TXNDC11: variants seen among roughly 807,000 people sequenced by gnomAD.
TXNDC11 encodes thioredoxin domain containing 11.
TXNDC11 carries 68 observed loss-of-function variants against 78.0 expected under a neutral mutation model. That is an observed-to-expected ratio of 0.87 (90% CI 0.72 to 1.07). The LOEUF is 1.07. Among genes scored for constraint, TXNDC11 ranks in the 50% least tolerant of loss-of-function variants. The pLI is 0.00. For synonymous variants in TXNDC11, 571 were observed against 495.2 expected (o/e 1.15, Z -2.03); for missense variants, 1,389 against 1,221.8 (o/e 1.14, Z -2.04).
chr16:11,682,195 C>T (rs2050440814), intron 11 of TXNDC11, among the ~76,000 whole-genome samples: 2 of 152,228 alleles, frequency 1.3e-5, no homozygotes, highest in Non-Finnish European at 2.9e-5. Context: ...GCTGCTTGCC[C>T]ATTTACCTTC....
intron 7 of TXNDC11, among the ~76,000 whole-genome samples, chr16:11,697,755 T>C (rs549725347): frequency 6.6e-6 from 1 of 152,108 alleles, no homozygotes; most frequent in Non-Finnish European, 1.5e-5. Context: ...TAGGCCACAC[T>C]AAACTCGGCC....
At chr16:11,694,417 G>A (rs898780334) in intron 7 of TXNDC11, among the ~76,000 whole-genome samples, 21 of 151,442 alleles carry the variant, frequency 1.4e-4, no homozygotes, top group African/African-American at 4.4e-4. Context: ...TAATCCCACT[G>A]GGATTGTAAG....
chr16:11,701,007 G>A (rs1394399745), intron 5 of TXNDC11, among the ~76,000 whole-genome samples: 1 of 151,944 alleles, frequency 6.6e-6, no homozygotes, highest in Non-Finnish European at 1.5e-5. Context: ...GTTTACAAAG[G>A]GAAACTGGGC....
intron 5 of TXNDC11, among the ~76,000 whole-genome samples, chr16:11,706,547 A>C (rs769211075): frequency 6.6e-6 from 1 of 152,162 alleles, no homozygotes; most frequent in Non-Finnish European, 1.5e-5. Context: ...TGACTCATGA[A>C]ATCTTGCCTA....
At chr16:11,683,640 G>A (rs546858936) in intron 11 of TXNDC11, among the ~76,000 whole-genome samples, 2 of 152,176 alleles carry the variant, frequency 1.3e-5, no homozygotes, top group East Asian at 1.9e-4. Flanking sequence ...GAATTCTCAC[G>A]GCCACATTCA....
At chr16:11,726,579 C>CAAAAAAAAAAAAAAAAAAAAAAAAA (rs35512803) in intron 4 of TXNDC11, among the ~76,000 whole-genome samples, 1 of 83,000 alleles carries the variant, frequency 1.2e-5, no homozygotes, top group Non-Finnish European at 2.3e-5. Context: ...GACTCCACCT[C>CAAAAAAAAAAAAAAAAAAAAAAAAA]AAAAAAAAAA....
At chr16:11,689,806 C>T (rs1001010423) in intron 8 of TXNDC11, among the ~76,000 whole-genome samples, 9 of 152,040 alleles carry the variant, frequency 5.9e-5, no homozygotes, top group African/African-American at 2.2e-4. Context: ...AAAAAAAATG[C>T]TTGTTTCATT....
chr16:11,710,866 CCT>C (rs1050558858), intron 5 of TXNDC11, among the ~76,000 whole-genome samples: 8 of 152,048 alleles, frequency 5.3e-5, no homozygotes, highest in African/African-American at 1.7e-4. Context: ...CTCATTGGCC[CCT>C]GTCTATCTAT....
At chr16:11,702,885 C>CGA (rs1387934054) in intron 5 of TXNDC11, among the ~76,000 whole-genome samples, 12 of 152,182 alleles carry the variant, frequency 7.9e-5, no homozygotes, top group Middle Eastern at 3.4e-3. Context: ...TGAGTATGTC[C>CGA]CTACTGCCAG....
intron 5 of TXNDC11, among the ~76,000 whole-genome samples, chr16:11,704,825 A>G (rs188569599): frequency 7.2e-5 from 11 of 152,342 alleles, no homozygotes; most frequent in African/African-American, 2.4e-4. Context: ...CCTGAAACAA[A>G]AACAGACACT....
At chr16:11,721,442 AAAAAT>A in intron 5 of TXNDC11, 130 bp downstream of exon 5, 1 of 523,292 alleles carries the variant, frequency 1.9e-6, no homozygotes, top group South Asian at 2.0e-5. Flanking sequence ...CCATCTAAAA[AAAAAT>A]AAAATAAATA....
chr16:11,683,673 G>A (rs537860267), intron 11 of TXNDC11, among the ~76,000 whole-genome samples: 2 of 152,130 alleles, frequency 1.3e-5, no homozygotes, highest in African/African-American at 4.8e-5. Context: ...AGATAGACTG[G>A]GAAAAACAAC....
chr16:11,738,439 CGAG>C (rs1332207701), intron 1 of TXNDC11, among the ~76,000 whole-genome samples: 1 of 152,110 alleles, frequency 6.6e-6, no homozygotes, highest in Non-Finnish European at 1.5e-5. Context: ...TGCGTGTTGT[CGAG>C]GAGACCACTT....
chr16:11,679,380 C>G lies in TXNDC11; in HGVS notation c.2692G>C (p.Val898Leu), dbSNP rs771627745. ...LTENTWLKILVATMERKLEGR... is the reference protein window; with the variant it reads ...LTENTWLKILLATMERKLEGR... ...TCCAGTTTCCTCTCCATGGTCGCCA[C>G]CAGGATCTTGAGCCACGTGTTCTCG... is the stretch of plus-strand genomic sequence containing the variant. Residue 898 changes from valine to leucine, a missense_variant, in exon 12 of 12, where the codon GTG becomes CTG. Transcript: ENST00000283033. This position sits in a 1 kb window ranked among gnomAD's most constrained non-coding sequence, Gnocchi z 4.6. 1 of 1,611,306 alleles carries G rather than the reference C, an allele frequency of 6.2e-7. No individual in the cohort carries two copies. Among genetic ancestry groups the G allele is most frequent in the African/African-American group, 1.3e-5 (1 of 74,710 alleles).
Position 11,742,745 on chromosome 16 carries a change from C to A in TXNDC11, c.-15G>T. ...CATTCCGACATTACATGCTCCCAGT[C>A]GCCGGCTTTATACCGCCGCCGCCGC... is the stretch of plus-strand genomic sequence containing the variant. On this transcript the variant is annotated 5_prime_UTR_variant, in exon 1 of 12. Transcript: ENST00000283033. The A allele has an allele frequency of 1.4e-6, 2 of 1,459,824 alleles. No homozygotes were observed. The highest frequency in any genetic ancestry group is 2.7e-5 in the South Asian group (2 of 72,940). 90.4% of individuals were successfully genotyped at this position (1,459,824 alleles called of 1,614,324 possible).
At chr16:11,731,593 T>C (rs1456559629) in intron 3 of TXNDC11, among the ~76,000 whole-genome samples, 1 of 151,970 alleles carries the variant, frequency 6.6e-6, no homozygotes, top group Non-Finnish European at 1.5e-5. Flanking sequence ...TAAACAGAAA[T>C]TGACATTAAG....
chr16:11,720,403 T>A (rs763477134), intron 5 of TXNDC11, among the ~76,000 whole-genome samples: 1 of 149,394 alleles, frequency 6.7e-6, no homozygotes, highest in Non-Finnish European at 1.5e-5. Flanking sequence ...CAAAAAAAGA[T>A]TATGATGTAA....
chr16:11,734,615 A>G (rs766885760), intron 2 of TXNDC11, among the ~76,000 whole-genome samples: 3 of 152,228 alleles, frequency 2.0e-5, no homozygotes, highest in Non-Finnish European at 2.9e-5. Context: ...TACTAATGCC[A>G]TCACTCAGAA....
intron 7 of TXNDC11, chr16:11,692,361 C>T (rs967248311): frequency 1.1e-5 from 4 of 351,722 alleles, no homozygotes; most frequent in Admixed American, 4.3e-5. Flanking sequence ...TAGTAGCCAA[C>T]GCAGTTATCA....
Sources: gnomAD v4.1 joint callset for allele counts (sites outside exome capture counted in the v4.1 genomes callset) on GRCh38, gnomAD v4.1.1 for gene constraint, Gnocchi (gnomAD v3.1) non-coding constraint, MANE v1.5 for transcripts, NCBI Gene and HGNC (gene_info 2026-07-23, HGNC 2026-07-21) for gene names.